The following BCORL1 variants were observed in gnomAD, a reference collection of about 807,000 sequenced individuals.
BCORL1 encodes BCL6 corepressor like 1, also known as BCL-6 corepressor-like protein 1.
BCORL1 carries 7 observed loss-of-function variants against 87.6 expected under a neutral mutation model. The observed-to-expected ratio is 0.08, with a 90% CI of 0.05 to 0.15. BCORL1 has a LOEUF of 0.15. Among genes scored for constraint, BCORL1 ranks in the 10% least tolerant of loss-of-function variants. The probability of loss-of-function intolerance (pLI) is 1.00; values close to 1 mark genes in which losing one functional copy is unlikely to be tolerated. For missense variants in BCORL1, 1,215 were observed against 1,499.7 expected (o/e 0.81, Z 3.13); for synonymous variants, 591 against 634.4 (o/e 0.93, Z 1.03).
rs1354474931 is a variant in BCORL1 at position 130,014,785 on chromosome X, T to A, written c.2013T>A (p.Ala671=). The A allele has an allele frequency of 8.3e-7, 1 of 1,209,323 alleles. No individual in the cohort carries two copies. The highest frequency in any genetic ancestry group is 3.0e-5 in the East Asian group (1 of 33,728). ...CTAGGTCTCAGCGCACAACCCAGGC[T>A]GCCGGTGGCAATGTCACCTCCTGCC... ...VLSRSQRTTQ[A]AGGNVTSCLG... is the part of the protein sequence containing the mutation. The change falls in exon 4 of 14, where the codon GCT becomes GCA. Residue 671 remains alanine, a synonymous_variant. Transcript: ENST00000540052.
At chrX:130,019,422 A>G (rs1216771044) in intron 4 of BCORL1, among the ~76,000 whole-genome samples, 1 of 112,662 alleles carries the variant, frequency 8.9e-6, no homozygotes, top group Non-Finnish European at 1.9e-5. Context: ...GTTTTTCTCC[A>G]GCCGTACCTG....
At position 130,049,502 on chromosome X, in the gene BCORL1, G is replaced by A. The variant is rs1198578642; in HGVS notation, c.4841-1215G>A. 4.5e-5 allele frequency among the ~76,000 whole-genome samples: 5 copies of A among 111,957 alleles called. No homozygotes were observed. The Admixed American group carries it at 4.7e-4, about 11-fold the overall frequency. On this transcript the variant is annotated intron_variant, in intron 11 of 13. Coordinates refer to ENST00000540052, the MANE Select transcript of BCORL1 (RefSeq NM_001379451.1). ...CTCCTGAGTAGCTGGGACTACAGGC[G>A]TGTGCCACCATGCCTGGCTAATTTT...
Position 130,015,565 on chromosome X carries a change from G to A in BCORL1, c.2793G>A (p.Gly931=). 8.2e-7 allele frequency: 1 copy of A among 1,212,271 alleles called. No individual in the cohort carries two copies. The highest frequency in any genetic ancestry group is 1.1e-6 in the Non-Finnish European group (1 of 895,622). ...PVLLTLSPQT[G]TLALSVQPSG... is the part of the protein sequence containing the mutation. ...TCTTGACCCTCAGCCCTCAGACTGGGACCCTGGCACTGTCTGTTCAGCCTA... is the reference window on the plus strand; with the variant it reads ...TCTTGACCCTCAGCCCTCAGACTGGAACCCTGGCACTGTCTGTTCAGCCTA... Residue 931 remains glycine (G), a synonymous_variant, in exon 4 of 14, where the codon GGG becomes GGA. Coordinates refer to ENST00000540052, the MANE Select transcript of BCORL1 (RefSeq NM_001379451.1).
Position 130,056,248 on chromosome X carries a change from A to AACAAG in BCORL1, c.*114_*118dup. 1.2e-6 allele frequency: 1 copy of AACAAG among 836,319 alleles called. No homozygotes were observed. Among genetic ancestry groups the AACAAG allele is most frequent in the East Asian group, 3.6e-5 (1 of 27,886 alleles). 68.9% of individuals were successfully genotyped at this position (836,319 alleles called of 1,213,427 possible). The stretch of plus-strand genomic sequence containing the variant: ...GCAGAATGAGGCAATAATACGGACC[A>AACAAG]ACAAGAAGCCGCCTTATCAATGCCA... On this transcript the variant is annotated 3_prime_UTR_variant, in exon 14 of 14. Coordinates refer to ENST00000540052, the MANE Select transcript of BCORL1 (RefSeq NM_001379451.1).
At chrX:130,024,169 G>T (rs1387464547) in intron 6 of BCORL1, among the ~76,000 whole-genome samples, 2 of 111,542 alleles carry the variant, frequency 1.8e-5, no homozygotes, top group Non-Finnish European at 1.9e-5. Flanking sequence ...AGAGAAAATG[G>T]CCTCTTGGCA....
In BCORL1 at chrX:130,014,516, A is replaced by G; in HGVS notation, c.1744A>G (p.Lys582Glu). The change falls in exon 4 of 14, where the codon AAG (lysine) becomes GAG (glutamate). Residue 582 changes from lysine (K) to glutamate (E), a missense_variant. By Grantham distance (56) the Lys-to-Glu change is moderately conservative (BLOSUM62 1). Transcript: ENST00000540052. ...GAGCTCAGCCCCACCGCACCCCGCCAAGATGCCCAGTGGCACCGAGCAGCA... is the reference window on the plus strand; with the variant it reads ...GAGCTCAGCCCCACCGCACCCCGCCGAGATGCCCAGTGGCACCGAGCAGCA... ...SGSSAPPHPA[K>E]MPSGTEQQTE... 1.7e-6 allele frequency: 2 copies of G among 1,211,464 alleles called. No homozygotes were observed. The highest frequency in any genetic ancestry group is 2.2e-6 in the Non-Finnish European group (2 of 895,444).
intron 10 of BCORL1, among the ~76,000 whole-genome samples, chrX:130,038,631 G>A (rs982084203): frequency 5.4e-5 from 6 of 111,040 alleles, no homozygotes; most frequent in Middle Eastern, 4.6e-3. Flanking sequence ...ATGGGTGCCC[G>A]CCATGACGCC....
chrX:130,039,271 G>T lies in BCORL1; in HGVS notation c.4829G>T (p.Arg1610Leu), dbSNP rs372398885. Reference sequence around the variant, plus strand: ...CTGGCCAGCAGCGACACCATGAAGCGCTTTCTCAGTGGTAAGCATGGTCCA... The same window carrying T: ...CTGGCCAGCAGCGACACCATGAAGCTCTTTCTCAGTGGTAAGCATGGTCCA... ...MKLASSDTMK[R>L]FLSDHLSDLQ... The change falls in exon 11 of 14, where the codon CGC (arginine) becomes CTC (leucine). Residue 1610 changes from arginine to leucine, a missense_variant. Physicochemically the swap from Arg to Leu is moderately radical, Grantham distance 102. Around this residue, in one of 5 missense-constraint regions of BCORL1, gnomAD observed 129 missense variants for 157.5 expected, o/e 0.82. Transcript: ENST00000540052. 3.3e-6 allele frequency: 4 copies of T among 1,209,660 alleles called. No homozygotes were observed. Among genetic ancestry groups the T allele is most frequent in the Admixed American group, 4.3e-5 (2 of 46,049 alleles).
intron 9 of BCORL1, among the ~76,000 whole-genome samples, chrX:130,036,271 T>C (rs1930935033): frequency 9.1e-6 from 1 of 110,449 alleles, no homozygotes; most frequent in Admixed American, 9.6e-5. Context: ...CCTTTTTTTT[T>C]TTTTTTGGAG....
chrX:130,052,304 T>C (rs1232417015), intron 13 of BCORL1, among the ~76,000 whole-genome samples: 1 of 112,603 alleles, frequency 8.9e-6, no homozygotes, highest in Admixed American at 9.4e-5. Flanking sequence ...CTTGGGCCTA[T>C]GAACTGCTAG....
rs906603365 is a variant in BCORL1, at chrX:130,057,783, C to G, written c.*1647C>G. The G allele has an allele frequency of 9.2e-6, 1 of 108,439 alleles. No homozygotes were observed. The highest frequency in any genetic ancestry group is 1.9e-5 in the Non-Finnish European group (1 of 52,374). The allele number at this position is 108,439 out of a possible 1,213,427, so 8.9% of individuals were successfully genotyped here. A position where few individuals can be genotyped will look rare whatever the true frequency, so the allele number is the denominator to read the frequency against. On this transcript the variant is annotated 3_prime_UTR_variant, in exon 14 of 14. Transcript: ENST00000540052. ...TTCCTGGGGGGGAAGTTCTCGGCCC[C>G]CTTCTGTAGGACTGCTCCCCACCCC...
chrX:129,990,433 G>A (rs1191477030), intron 1 of BCORL1, among the ~76,000 whole-genome samples: 1 of 109,884 alleles, frequency 9.1e-6, no homozygotes, highest in African/African-American at 3.3e-5. Context: ...GGGTTTCACT[G>A]TGTTAGCCAG....
intron 5 of BCORL1, 169 bp downstream of exon 5, chrX:130,021,319 C>G (rs915065813): frequency 1.3e-6 from 1 of 749,622 alleles, no homozygotes; most frequent in African/African-American, 2.3e-5. Context: ...GGTGAGCGAG[C>G]AAGGATCGGG....
At position 130,057,496 on chromosome X, in the gene BCORL1, T is replaced by C. The variant is rs1462234451; in HGVS notation, c.*1360T>C. ...ACTCTTATTTTTCTACCAATTGCTATTTTTCCGAACAATCCTTGTAGAGTA... is the reference window on the plus strand; with the variant it reads ...ACTCTTATTTTTCTACCAATTGCTACTTTTCCGAACAATCCTTGTAGAGTA... On this transcript the variant is annotated 3_prime_UTR_variant, in exon 14 of 14. Coordinates refer to ENST00000540052, the MANE Select transcript of BCORL1 (RefSeq NM_001379451.1). 4 of 112,014 alleles carry C rather than the reference T, an allele frequency of 3.6e-5. No individual in the cohort carries two copies. In the Admixed American group the frequency reaches 3.8e-4, roughly 11 times the overall value. The allele number at this position is 112,014 out of a possible 1,213,427, so 9.2% of individuals were successfully genotyped here. A position where few individuals can be genotyped will look rare whatever the true frequency, so the allele number is the denominator to read the frequency against.
At chrX:130,002,995 G>A (rs922274694) in intron 1 of BCORL1, among the ~76,000 whole-genome samples, 1 of 110,130 alleles carries the variant, frequency 9.1e-6, no homozygotes, top group African/African-American at 3.3e-5. Flanking sequence ...CAAGAGAAGG[G>A]AGAGAATAAA....
chrX:130,010,624 G>C (rs1603101741), intron 2 of BCORL1: 2 of 110,912 alleles, frequency 1.8e-5, no homozygotes, highest in Admixed American at 1.9e-4. Flanking sequence ...GGAGAGGCCC[G>C]TGGTGATCCC....
chrX:130,038,680 C>T (rs1235663797), intron 10 of BCORL1, among the ~76,000 whole-genome samples: 2 of 111,357 alleles, frequency 1.8e-5, no homozygotes, highest in African/African-American at 3.3e-5. Flanking sequence ...TGGGGCTTCA[C>T]CATGTTGGCC....
In BCORL1 at chrX:130,013,762, C is replaced by T. The variant is rs746920316; in HGVS notation, c.990C>T (p.Leu330=). The change falls in exon 4 of 14, where the codon CTC becomes CTT. Residue 330 remains leucine (L), a synonymous_variant. Transcript: ENST00000540052. The part of the protein sequence containing the change: ...PVPPSAPTLV[L]APVPTPVLAP... ...CCCCTTCAGCTCCGACCTTGGTTCT[C>T]GCTCCCGTCCCCACTCCGGTTCTGG... The T allele has an allele frequency of 1.4e-5, 16 of 1,178,303 alleles. No homozygotes were observed. The Admixed American group carries it at 1.5e-4, about 11-fold the overall frequency.
chrX:130,042,341 C>T (rs1278118199), intron 11 of BCORL1, among the ~76,000 whole-genome samples: 3 of 111,973 alleles, frequency 2.7e-5, no homozygotes, highest in Non-Finnish European at 5.6e-5. Flanking sequence ...GCTATCTTCC[C>T]GCCTTGGCCT....
Sources: gnomAD v4.1 joint callset for allele counts (sites outside exome capture counted in the v4.1 genomes callset) on GRCh38, gnomAD v4.1.1 for gene constraint, gnomAD v4.1.1 regional missense constraint, MANE v1.5 for transcripts, NCBI Gene and HGNC (gene_info 2026-07-23, HGNC 2026-07-21) for gene names.